Variants in FBLN1 observed in about 807,000 individuals in gnomAD.
The protein encoded by FBLN1 is fibulin-1.
FBLN1 carries 34 observed loss-of-function variants against 89.7 expected under a neutral mutation model. That is an observed-to-expected ratio of 0.38 (90% CI 0.29 to 0.50). The LOEUF is 0.50. Ranked by LOEUF, FBLN1 falls within the 20% of genes least tolerant of loss-of-function variation. FBLN1 has a pLI of 0.92. For synonymous variants in FBLN1, 393 were observed against 391.3 expected (o/e 1.00, Z -0.05); for missense variants, 777 against 988.1 (o/e 0.79, Z 2.86).
chr22:45,573,324 A>G (rs979426765), intron 14 of FBLN1, among the ~76,000 whole-genome samples: 7 of 152,088 alleles, frequency 4.6e-5, no homozygotes, highest in African/African-American at 1.7e-4. Flanking sequence ...AAACTTGTTG[A>G]TGGACAAGTC....
In FBLN1 at chr22:45,563,416, A is replaced by C; in HGVS notation, c.1698-11095A>C. The C allele has an allele frequency of 2.0e-6, 3 of 1,502,640 alleles. No individual in the cohort carries two copies. Among genetic ancestry groups the C allele is most frequent in the Non-Finnish European group, 1.8e-6 (2 of 1,126,784 alleles). The allele number at this position is 1,502,640 out of a possible 1,614,324, so 93.1% of individuals were successfully genotyped here. ...TGGTTGGGAGTCTGTGCCGCTTGTTACCCGGGGGTGAGCTGGGCACTGGCC... is the reference window on the plus strand; with the variant it reads ...TGGTTGGGAGTCTGTGCCGCTTGTTCCCCGGGGGTGAGCTGGGCACTGGCC... On this transcript the variant is annotated intron_variant, in intron 14 of 16. Coordinates refer to ENST00000327858, the MANE Select transcript of FBLN1 (RefSeq NM_006486.3). The surrounding 1 kb of genome is among the most constrained non-coding windows in gnomAD (Gnocchi z 5.7).
intron 1 of FBLN1, among the ~76,000 whole-genome samples, chr22:45,506,700 CT>C (rs1191559031): frequency 3.9e-5 from 6 of 152,206 alleles, no homozygotes; most frequent in African/African-American, 1.4e-4. Context: ...GGGAAACCCC[CT>C]CCTTCTACCC....
At chr22:45,554,677 C>T (rs865824633) in intron 14 of FBLN1, among the ~76,000 whole-genome samples, 3 of 152,188 alleles carry the variant, frequency 2.0e-5, no homozygotes, top group Non-Finnish European at 2.9e-5. Context: ...AAGGCCAGGA[C>T]GAGAGGATGC....
Position 45,578,526 on chromosome 22 carries a change from G to A in FBLN1, c.1972+1418G>A, listed in dbSNP as rs1286263207. 2 of 152,258 alleles carry A rather than the reference G, an allele frequency of 1.3e-5. No homozygotes were observed. Among genetic ancestry groups the A allele is most frequent in the East Asian group, 1.9e-4 (1 of 5,198 alleles). 9.4% of individuals were successfully genotyped at this position (152,258 alleles called of 1,614,324 possible). A position where few individuals can be genotyped will look rare whatever the true frequency, so the allele number is the denominator to read the frequency against. On this transcript the variant is annotated intron_variant, in intron 16 of 16. Transcript: ENST00000327858. This position sits in a 1 kb window ranked among gnomAD's most constrained non-coding sequence, Gnocchi z 4.6. ...GCCCTTGAGTCACTCCCCACTCTGGGCCTCAGTTTCCCCCATTGTGAAATG... is the reference window on the plus strand; with the variant it reads ...GCCCTTGAGTCACTCCCCACTCTGGACCTCAGTTTCCCCCATTGTGAAATG...
In FBLN1 at chr22:45,574,428, G is replaced by C; in HGVS notation, c.1698-83G>C. 6.6e-7 allele frequency: 1 copy of C among 1,519,884 alleles called. No individual in the cohort carries two copies. The highest frequency in any genetic ancestry group is 9.1e-7 in the Non-Finnish European group (1 of 1,101,940). The allele number at this position is 1,519,884 out of a possible 1,614,324, so 94.1% of individuals were successfully genotyped here. On this transcript the variant is annotated intron_variant, in intron 14 of 16. Transcript: ENST00000327858. This position sits in a 1 kb window ranked among gnomAD's most constrained non-coding sequence, Gnocchi z 4.1. ...ACAGATGCCCCTGCCCTGGCCACCT[G>C]CTCCTCCTCCCTAGACCTCGGCCCC...
intron 2 of FBLN1, among the ~76,000 whole-genome samples, chr22:45,520,636 C>G (rs892825523): frequency 2.0e-5 from 3 of 152,166 alleles, no homozygotes; most frequent in African/African-American, 4.8e-5. Flanking sequence ...ACTATTAATA[C>G]TTAGTGAAAT....
In FBLN1 at chr22:45,583,969, G is replaced by A. The variant is rs748379327; in HGVS notation, c.1972+6861G>A. 1.3e-5 allele frequency among the ~76,000 whole-genome samples: 2 copies of A among 152,140 alleles called. No individual in the cohort carries two copies. The highest frequency in any genetic ancestry group is 2.9e-5 in the Non-Finnish European group (2 of 68,034). Reference sequence around the variant, plus strand: ...ATGGGGGTCACTTCTGCATAGGCCTGCACTATCGATGTAGGTGTGAGGGTC... The same window carrying A: ...ATGGGGGTCACTTCTGCATAGGCCTACACTATCGATGTAGGTGTGAGGGTC... On this transcript the variant is annotated intron_variant, in intron 16 of 16. Coordinates refer to ENST00000327858, the MANE Select transcript of FBLN1 (RefSeq NM_006486.3). This position sits in a 1 kb window ranked among gnomAD's most constrained non-coding sequence, Gnocchi z 4.5.
chr22:45,532,210 G>GAAGGGAGT lies in FBLN1; in HGVS notation c.545-852_545-845dup, dbSNP rs1333778238. On this transcript the variant is annotated intron_variant, in intron 5 of 16. Transcript: ENST00000327858. The surrounding 1 kb of genome is among the most constrained non-coding windows in gnomAD (Gnocchi z 4.2). ...CTGTCCAGGGGCCTGGTGGAGGGAG[G>GAAGGGAGT]AAGGGAGTGACCTAGAGCCCCAGCA... Among the ~76,000 whole-genome samples, 1 of 152,134 alleles carries GAAGGGAGT rather than the reference G, an allele frequency of 6.6e-6. No homozygotes were observed. Among genetic ancestry groups the GAAGGGAGT allele is most frequent in the Non-Finnish European group, 1.5e-5 (1 of 68,028 alleles).
intron 8 of FBLN1, among the ~76,000 whole-genome samples, chr22:45,540,627 C>T (rs1269905768): frequency 1.3e-5 from 2 of 152,208 alleles, no homozygotes; most frequent in Admixed American, 1.3e-4. Flanking sequence ...CGAATTTGAG[C>T]AGAAGGAGGG....
intron 14 of FBLN1, among the ~76,000 whole-genome samples, chr22:45,564,550 A>G (rs1258120794): frequency 6.6e-6 from 1 of 152,150 alleles, no homozygotes; most frequent in Non-Finnish European, 1.5e-5. Flanking sequence ...ACTCCAGCTC[A>G]TGTGCCTGCC....
chr22:45,562,812 GGCCCCGCCTGCCA>G lies in FBLN1; in HGVS notation c.1698-11691_1698-11679del, dbSNP rs990704631. The G allele has an allele frequency of 2.9e-4, 336 of 1,174,208 alleles. No individual in the cohort carries two copies. The highest frequency in any genetic ancestry group is 3.8e-4 in the Non-Finnish European group (304 of 792,708). The allele number at this position is 1,174,208 out of a possible 1,614,324, so 72.7% of individuals were successfully genotyped here. A position where few individuals can be genotyped will look rare whatever the true frequency, so the allele number is the denominator to read the frequency against. On this transcript the variant is annotated intron_variant, in intron 14 of 16. Transcript: ENST00000327858. The surrounding 1 kb of genome is among the most constrained non-coding windows in gnomAD (Gnocchi z 7.8). ...TGAATCGGCCAGAGGGGCGGCGGGAGGCCCCGCCTGCCAGCCCCGCATCCCCGCGCTCTGCCGT... is the reference window on the plus strand; with the variant it reads ...TGAATCGGCCAGAGGGGCGGCGGGAGGCCCCGCATCCCCGCGCTCTGCCGT...
At position 45,536,160 on chromosome 22, in the gene FBLN1, C is replaced by G. The variant is rs1377822364; in HGVS notation, c.922+823C>G. On this transcript the variant is annotated intron_variant, in intron 8 of 16. Transcript: ENST00000327858. This position sits in a 1 kb window ranked among gnomAD's most constrained non-coding sequence, Gnocchi z 5.1. Reference sequence around the variant, plus strand: ...CTGCACTCCAGTCTGGGCAACAGAGCAAGACCCTGTCTCAAAAATAAAATA... The same window carrying G: ...CTGCACTCCAGTCTGGGCAACAGAGGAAGACCCTGTCTCAAAAATAAAATA... 2.0e-5 allele frequency among the ~76,000 whole-genome samples: 3 copies of G among 151,902 alleles called. No individual in the cohort carries two copies. The highest frequency in any genetic ancestry group is 7.3e-5 in the African/African-American group (3 of 41,352).
rs1333097825 is a variant in FBLN1, at chr22:45,542,058, G to A, written c.1067-97G>A. 5 of 1,566,268 alleles carry A rather than the reference G, an allele frequency of 3.2e-6. No homozygotes were observed. The Admixed American group carries it at 8.3e-5, about 26-fold the overall frequency. On this transcript the variant is annotated intron_variant, in intron 9 of 16. Transcript: ENST00000327858. ...GTTGAAATGGAATGCCTGTTTCCATGTCCATGTGTTCCTTTCTTGCTTTCC... is the reference window on the plus strand; with the variant it reads ...GTTGAAATGGAATGCCTGTTTCCATATCCATGTGTTCCTTTCTTGCTTTCC...
At position 45,574,050 on chromosome 22, in the gene FBLN1, T is replaced by C. The variant is rs115873954; in HGVS notation, c.1698-461T>C. Among the ~76,000 whole-genome samples the C allele has an allele frequency of 0.014, 2,159 of 152,306 alleles. 40 individuals are homozygous for C. The highest frequency in any genetic ancestry group is 0.038 in the African/African-American group (1,572 of 41,554). The stretch of plus-strand genomic sequence containing the variant: ...GCTGGGCACCGAGCTTGGCGCTTTC[T>C]ATCTGCTCCTTCGTTTATTACCCTG... On this transcript the variant is annotated intron_variant, in intron 14 of 16. Transcript: ENST00000327858. The surrounding 1 kb of genome is among the most constrained non-coding windows in gnomAD (Gnocchi z 4.1).
intron 16 of FBLN1, among the ~76,000 whole-genome samples, chr22:45,595,248 G>T (rs1443797020): frequency 6.6e-6 from 1 of 152,190 alleles, no homozygotes; most frequent in African/African-American, 2.4e-5. Flanking sequence ...CACAGACTGG[G>T]AGATGCAGTG....
At chr22:45,595,373 CA>C (rs1259989684) in intron 16 of FBLN1, among the ~76,000 whole-genome samples, 2 of 152,178 alleles carry the variant, frequency 1.3e-5, no homozygotes, top group African/African-American at 4.8e-5. Context: ...TCAACCCTCG[CA>C]GCATCCCTAC....
In FBLN1 at chr22:45,545,455, G is replaced by A. The variant is rs1212553274; in HGVS notation, c.1322-1630G>A. On this transcript the variant is annotated intron_variant, in intron 11 of 16. Transcript: ENST00000327858. This position sits in a 1 kb window ranked among gnomAD's most constrained non-coding sequence, Gnocchi z 5.9. The stretch of plus-strand genomic sequence containing the variant: ...TTTATTATTATTTAGTAGAAGTAGT[G>A]GGATTCCTGGCTTGTGCTTCCTCTA... Among the ~76,000 whole-genome samples, 1 of 152,180 alleles carries A rather than the reference G, an allele frequency of 6.6e-6. No individual in the cohort carries two copies. Among genetic ancestry groups the A allele is most frequent in the East Asian group, 1.9e-4 (1 of 5,192 alleles).
Position 45,553,400 on chromosome 22 carries a change from C to T in FBLN1, c.1697+2785C>T, listed in dbSNP as rs1254486628. Among the ~76,000 whole-genome samples, 8 of 152,082 alleles carry T rather than the reference C, an allele frequency of 5.3e-5. No homozygotes were observed. In the East Asian group the frequency reaches 7.7e-4, roughly 15 times the overall value. On this transcript the variant is annotated intron_variant, in intron 14 of 16. Transcript: ENST00000327858. ...GCCTGCGTGGCAGGGGGGGACGGGG[C>T]GGGCTCGCCTATGCCCTGCTCTGTA...
At chr22:45,555,319 T>C (rs2088774986) in intron 14 of FBLN1, among the ~76,000 whole-genome samples, 1 of 146,834 alleles carries the variant, frequency 6.8e-6, no homozygotes, top group East Asian at 1.9e-4. Flanking sequence ...GGAATATATA[T>C]ATAAAGTGGA....
Sources: allele counts gnomAD v4.1 joint callset (sites outside exome capture counted in the v4.1 genomes callset), GRCh38; gene constraint gnomAD v4.1.1; non-coding constraint Gnocchi (gnomAD v3.1); transcripts MANE v1.5; gene names NCBI Gene and HGNC (gene_info 2026-07-23, HGNC 2026-07-21).